Variants in CHST15 observed in about 807,000 individuals in gnomAD.
CHST15 encodes carbohydrate sulfotransferase 15, also known as B cell RAG associated protein (GALNAC4S-6ST).
Under a neutral mutation model 53.6 loss-of-function variants are expected in CHST15, and 30 were observed. That is an observed-to-expected ratio of 0.56 (90% CI 0.42 to 0.76). The LOEUF (loss-of-function observed/expected upper bound fraction) is 0.76, where lower values mean the gene tolerates loss of function less well. Among genes scored for constraint, CHST15 ranks in the 30% least tolerant of loss-of-function variants. CHST15 has a pLI of 0.00. For synonymous variants in CHST15, 296 were observed against 289.8 expected (o/e 1.02, Z -0.22); for missense variants, 627 against 740.5 (o/e 0.85, Z 1.78).
At chr10:124,091,372 T>C (rs565608091) in intron 1 of CHST15, among the ~76,000 whole-genome samples, 1 of 152,276 alleles carries the variant, frequency 6.6e-6, no homozygotes, top group East Asian at 1.9e-4. Flanking sequence ...GGATGGATAA[T>C]GGTCCAGGAA....
chr10:124,012,919 A>C (rs1946460880), intron 6 of CHST15, among the ~76,000 whole-genome samples: 1 of 152,236 alleles, frequency 6.6e-6, no homozygotes, highest in African/African-American at 2.4e-5. Flanking sequence ...TGAAGAGCCA[A>C]ATGCCTGATG....
In CHST15 at chr10:124,008,074, T is replaced by A; in HGVS notation, c.*2075A>T. 4 of 1,232,076 alleles carry A rather than the reference T, an allele frequency of 3.2e-6. No homozygotes were observed. The highest frequency in any genetic ancestry group is 4.0e-6 in the Non-Finnish European group (4 of 987,958). 76.3% of individuals were successfully genotyped at this position (1,232,076 alleles called of 1,614,324 possible). A position where few individuals can be genotyped will look rare whatever the true frequency, so the allele number is the denominator to read the frequency against. ...ACTGCATATATAAAAAAGATCCGCA[T>A]AATAAACCAAATAATATTGGAAATA... On this transcript the variant is annotated 3_prime_UTR_variant, in exon 8 of 8. Coordinates refer to ENST00000435907, the MANE Select transcript of CHST15 (RefSeq NM_001270764.2).
At chr10:124,026,252 C>T (rs950619899) in intron 5 of CHST15, among the ~76,000 whole-genome samples, 13 of 152,112 alleles carry the variant, frequency 8.5e-5, no homozygotes, top group Admixed American at 2.0e-4. Flanking sequence ...AGCACTGAGA[C>T]GGGGGAGCAC....
chr10:124,033,978 C>T (rs1947324335), intron 5 of CHST15, among the ~76,000 whole-genome samples: 1 of 152,238 alleles, frequency 6.6e-6, no homozygotes, highest in South Asian at 2.1e-4. Flanking sequence ...AATGCAAGGC[C>T]TGGGTCAGCG....
intron 1 of CHST15, among the ~76,000 whole-genome samples, chr10:124,056,329 G>A (rs1465741795): frequency 6.6e-6 from 1 of 152,174 alleles, no homozygotes; most frequent in African/African-American, 2.4e-5. Flanking sequence ...GGCAGCTGAT[G>A]GGATGAAACT....
chr10:124,048,261 G>A (rs910198330), intron 1 of CHST15, among the ~76,000 whole-genome samples: 1 of 152,206 alleles, frequency 6.6e-6, no homozygotes, highest in Non-Finnish European at 1.5e-5. Flanking sequence ...CCTTTGATAT[G>A]CTAATAAGCC....
chr10:124,070,103 T>G (rs1487486766), intron 1 of CHST15, among the ~76,000 whole-genome samples: 2 of 152,216 alleles, frequency 1.3e-5, no homozygotes, highest in East Asian at 3.9e-4. Flanking sequence ...ACAGGATTTT[T>G]CTTTGCAATG....
chr10:124,054,766 A>G (rs965740640), intron 1 of CHST15, among the ~76,000 whole-genome samples: 6 of 152,164 alleles, frequency 3.9e-5, no homozygotes, highest in African/African-American at 1.4e-4. Context: ...GGATGTGAGG[A>G]AGAAATGAGG....
At chr10:124,081,678 T>C (rs954308791) in intron 1 of CHST15, among the ~76,000 whole-genome samples, 3 of 152,124 alleles carry the variant, frequency 2.0e-5, no homozygotes, top group Admixed American at 6.5e-5. Flanking sequence ...ATCTACCTCA[T>C]CAGAGCTAAA....
rs144116212 is a variant in CHST15, at chr10:124,009,375, C to G, written c.*774G>C. The G allele has an allele frequency of 3.0e-6, 3 of 1,011,720 alleles. No homozygotes were observed. The highest frequency in any genetic ancestry group is 3.6e-6 in the Non-Finnish European group (3 of 844,612). 62.7% of individuals were successfully genotyped at this position (1,011,720 alleles called of 1,614,324 possible). Reference sequence around the variant, plus strand: ...ATGCAGAAAGTGGTTTTGTTTTAAACGCATTCATTTTCTATGTTAAACATA... The same window carrying G: ...ATGCAGAAAGTGGTTTTGTTTTAAAGGCATTCATTTTCTATGTTAAACATA... On this transcript the variant is annotated 3_prime_UTR_variant, in exon 8 of 8. Transcript: ENST00000435907.
intron 1 of CHST15, among the ~76,000 whole-genome samples, chr10:124,066,548 T>G (rs955382052): frequency 2.0e-5 from 3 of 151,410 alleles, no homozygotes; most frequent in African/African-American, 7.3e-5. Flanking sequence ...TTTTCCCCTT[T>G]GGATGACAAC....
At chr10:124,028,296 G>A (rs1947088996) in intron 5 of CHST15, among the ~76,000 whole-genome samples, 1 of 152,176 alleles carries the variant, frequency 6.6e-6, no homozygotes, top group Non-Finnish European at 1.5e-5. Context: ...GCTCATTAGA[G>A]TTTGATGGTT....
rs534733238 is a variant in CHST15, at chr10:124,041,283, G to C, written c.1033+1018C>G. 4.6e-5 allele frequency among the ~76,000 whole-genome samples: 7 copies of C among 152,298 alleles called. No individual in the cohort carries two copies. The South Asian group carries it at 8.3e-4, about 18-fold the overall frequency. ...TAATTTGGAGATTGCAAATATAACA[G>C]ATCTAGGAAAATTAAAAAATAGATC... is the stretch of plus-strand genomic sequence containing the variant. On this transcript the variant is annotated intron_variant, in intron 4 of 7. Transcript: ENST00000435907.
At chr10:124,043,376 G>A (rs1397120099) in intron 3 of CHST15, among the ~76,000 whole-genome samples, 3 of 152,204 alleles carry the variant, frequency 2.0e-5, no homozygotes, top group Non-Finnish European at 2.9e-5. Context: ...CTACAGTGGC[G>A]GCTGCTAAAC....
At chr10:124,054,148 T>C (rs1948297688) in intron 1 of CHST15, among the ~76,000 whole-genome samples, 1 of 152,214 alleles carries the variant, frequency 6.6e-6, no homozygotes, top group African/African-American at 2.4e-5. Flanking sequence ...CCTTGCTTCC[T>C]TCCTCTCCCT....
chr10:124,067,358 T>C (rs1198367604), intron 1 of CHST15, among the ~76,000 whole-genome samples: 5 of 152,210 alleles, frequency 3.3e-5, no homozygotes, highest in African/African-American at 4.8e-5. Flanking sequence ...TCCTAAGATA[T>C]GCAATCCAGT....
intron 5 of CHST15, among the ~76,000 whole-genome samples, chr10:124,029,199 T>C (rs2133907460): frequency 6.6e-6 from 1 of 152,334 alleles, no homozygotes; most frequent in African/African-American, 2.4e-5. Flanking sequence ...GGCCATTTAA[T>C]GTAGCTGAGA....
In CHST15 at chr10:124,024,536, G is replaced by A. The variant is rs1187888423; in HGVS notation, c.1191-3124C>T. Among the ~76,000 whole-genome samples the A allele has an allele frequency of 4.0e-5, 6 of 151,550 alleles. No homozygotes were observed. The highest frequency in any genetic ancestry group is 7.3e-5 in the African/African-American group (3 of 41,198). Reference sequence around the variant, plus strand: ...AAAGAGACAGTCAGCAAAGGGGCTCGGTGGCCACTGAGTAGATTTCCCCAG... The same window carrying A: ...AAAGAGACAGTCAGCAAAGGGGCTCAGTGGCCACTGAGTAGATTTCCCCAG... On this transcript the variant is annotated intron_variant, in intron 5 of 7. Transcript: ENST00000435907. The surrounding 1 kb of genome is among the most constrained non-coding windows in gnomAD (Gnocchi z 4.0).
intron 5 of CHST15, 21 bp from the exon 6 acceptor site, chr10:124,021,433 T>C: frequency 6.3e-7 from 1 of 1,595,108 alleles, no homozygotes; most frequent in East Asian, 2.2e-5. Context: ...AATAAATGCA[T>C]ATTTTTACCA....
Sources: gnomAD v4.1 joint callset for allele counts (sites outside exome capture counted in the v4.1 genomes callset) on GRCh38, gnomAD v4.1.1 for gene constraint, Gnocchi (gnomAD v3.1) non-coding constraint, MANE v1.5 for transcripts, NCBI Gene and HGNC (gene_info 2026-07-23, HGNC 2026-07-21) for gene names.